Variants in FOXP1 observed in about 807,000 individuals in gnomAD.
The protein encoded by FOXP1 is forkhead box protein P1.
In FOXP1, 15 loss-of-function variants were observed where a neutral mutation model predicts 98.2. The ratio of observed to expected loss-of-function variants is 0.15; its 90% CI spans 0.10 to 0.24. The LOEUF (loss-of-function observed/expected upper bound fraction) is 0.24, where lower values mean the gene tolerates loss of function less well. Among genes scored for constraint, FOXP1 ranks in the 10% least tolerant of loss-of-function variants. FOXP1 has a pLI of 1.00. For missense variants in FOXP1, 633 were observed against 848.5 expected (o/e 0.75, Z 3.15); for synonymous variants, 371 against 314.5 (o/e 1.18, Z -1.90).
intron 2 of FOXP1, among the ~76,000 whole-genome samples, chr3:71,553,393 T>C (rs1464043423): frequency 6.6e-6 from 1 of 152,186 alleles, no homozygotes; most frequent in Non-Finnish European, 1.5e-5. Flanking sequence ...TATACGGAAT[T>C]CACATTATCT....
chr3:71,317,010 T>C (rs1233897045), intron 4 of FOXP1, among the ~76,000 whole-genome samples: 2 of 152,102 alleles, frequency 1.3e-5, no homozygotes, highest in African/African-American at 4.8e-5. Context: ...AAATATACCA[T>C]TGTGAAACAA....
At chr3:71,041,773 AAC>A (rs1412765627) in intron 10 of FOXP1, among the ~76,000 whole-genome samples, 8 of 152,124 alleles carry the variant, frequency 5.3e-5, no homozygotes, top group African/African-American at 1.9e-4. Context: ...AGTGACTCAA[AAC>A]ACAGTTACTT....
At chr3:71,560,194 G>C (rs1237850450) in intron 2 of FOXP1, among the ~76,000 whole-genome samples, 1 of 152,118 alleles carries the variant, frequency 6.6e-6, no homozygotes, top group Non-Finnish European at 1.5e-5. Context: ...AAATAACGGT[G>C]CTCCATAATG....
At chr3:71,386,806 G>C (rs952057499) in intron 3 of FOXP1, among the ~76,000 whole-genome samples, 4 of 149,840 alleles carry the variant, frequency 2.7e-5, no homozygotes, top group Non-Finnish European at 5.9e-5. Flanking sequence ...ATAATACAAT[G>C]AATTGTCAAC....
chr3:71,186,118 T>C (rs2062629644), intron 6 of FOXP1, among the ~76,000 whole-genome samples: 2 of 152,222 alleles, frequency 1.3e-5, no homozygotes, highest in Admixed American at 6.5e-5. Context: ...TAATATATTT[T>C]TATATCCTCT....
chr3:71,496,961 A>AGTGTGTGTGTGTGTGTGTGTGTGTGT (rs148821144), intron 2 of FOXP1, among the ~76,000 whole-genome samples: 23 of 149,374 alleles, frequency 1.5e-4, no homozygotes, highest in African/African-American at 4.9e-4. Flanking sequence ...GGTGTGTGGA[A>AGTGTGTGTGTGTGTGTGTGTGTGTGT]GTGTGTGTGT....
intron 7 of FOXP1, among the ~76,000 whole-genome samples, chr3:71,101,916 G>A (rs1048846948): frequency 5.3e-5 from 8 of 152,138 alleles, no homozygotes; most frequent in Admixed American, 1.3e-4. Flanking sequence ...GACAAGGGCC[G>A]GCGCTCTTTG....
intron 3 of FOXP1, among the ~76,000 whole-genome samples, chr3:71,452,571 T>C (rs2087058784): frequency 6.6e-6 from 1 of 152,204 alleles, no homozygotes; most frequent in African/African-American, 2.4e-5. Flanking sequence ...AAGGAGGCTC[T>C]TGTTGTATTT....
intron 6 of FOXP1, among the ~76,000 whole-genome samples, chr3:71,166,400 C>G (rs2061402685): frequency 6.6e-6 from 1 of 152,190 alleles, no homozygotes; most frequent in African/African-American, 2.4e-5. Context: ...ATTCTTTAAA[C>G]TTTTCTTGAA....
At chr3:71,348,522 CGTGTGTGTGTGTGT>C (rs772944612) in intron 4 of FOXP1, among the ~76,000 whole-genome samples, 1 of 69,924 alleles carries the variant, frequency 1.4e-5, no homozygotes, top group Admixed American at 1.9e-4. Flanking sequence ...TGTGTGTGTG[CGTGTGTGTGTGTGT>C]GTGTGTGTGT....
intron 4 of FOXP1, among the ~76,000 whole-genome samples, chr3:71,353,434 G>A (rs375660928): frequency 6.6e-6 from 1 of 152,072 alleles, no homozygotes; most frequent in East Asian, 1.9e-4. Flanking sequence ...CAAAAAATCT[G>A]GGTGTTAGCC....
At chr3:71,512,465 C>T (rs2042267883) in intron 2 of FOXP1, among the ~76,000 whole-genome samples, 1 of 152,148 alleles carries the variant, frequency 6.6e-6, no homozygotes, top group African/African-American at 2.4e-5. Flanking sequence ...TACCTTATTG[C>T]CTTGTTACCA....
intron 3 of FOXP1, among the ~76,000 whole-genome samples, chr3:71,394,323 G>A (rs2108144603): frequency 6.6e-6 from 1 of 152,044 alleles, no homozygotes; most frequent in South Asian, 2.1e-4. Context: ...TTCAGCTATT[G>A]GACAAAAAAT....
chr3:71,366,883 C>T (rs750921631), intron 3 of FOXP1, among the ~76,000 whole-genome samples: 7 of 152,126 alleles, frequency 4.6e-5, no homozygotes, highest in Non-Finnish European at 1.0e-4. Flanking sequence ...ATACTTTAAG[C>T]CTTTACAAGA....
chr3:71,326,345 CA>C (rs1247468978), intron 4 of FOXP1, among the ~76,000 whole-genome samples: 1 of 152,084 alleles, frequency 6.6e-6, no homozygotes, highest in Non-Finnish European at 1.5e-5. Flanking sequence ...CAAGAAATCC[CA>C]AAGAAAATCA....
chr3:71,067,661 C>G (rs1523025), intron 7 of FOXP1, among the ~76,000 whole-genome samples: 1 of 150,960 alleles, frequency 6.6e-6, no homozygotes, highest in Non-Finnish European at 1.5e-5. Flanking sequence ...CTTTGGGAGG[C>G]CAAGGCAGGA....
intron 12 of FOXP1, among the ~76,000 whole-genome samples, chr3:71,014,511 T>C (rs932316556): frequency 2.0e-5 from 3 of 152,128 alleles, no homozygotes; most frequent in African/African-American, 4.8e-5. Flanking sequence ...GGAGAGGATG[T>C]GGAGAAATAG....
chr3:71,343,316 A>AT (rs776911887), intron 4 of FOXP1, among the ~76,000 whole-genome samples: 20 of 151,702 alleles, frequency 1.3e-4, no homozygotes, highest in Non-Finnish European at 2.1e-4. Context: ...GCATACATTG[A>AT]TTTTTTTTTC....
At chr3:71,535,442 T>C (rs562466837) in intron 2 of FOXP1, among the ~76,000 whole-genome samples, 1 of 152,128 alleles carries the variant, frequency 6.6e-6, no homozygotes, top group Non-Finnish European at 1.5e-5. Flanking sequence ...CAGTGGCTCA[T>C]GCCTGGAATC....
Sources: allele counts gnomAD v4.1 joint callset (sites outside exome capture counted in the v4.1 genomes callset), GRCh38; gene constraint gnomAD v4.1.1; transcripts MANE v1.5; gene names NCBI Gene and HGNC (gene_info 2026-07-23, HGNC 2026-07-21).